Variants in PREX2 observed in about 807,000 individuals in gnomAD.
PREX2 encodes the protein phosphatidylinositol 3,4,5-trisphosphate-dependent Rac exchanger 2 protein.
PREX2 carries 107 observed loss-of-function variants against 203.2 expected under a neutral mutation model. The ratio of observed to expected loss-of-function variants is 0.53; its 90% CI spans 0.45 to 0.62. The LOEUF is 0.62. Ranked by LOEUF, PREX2 falls within the 20% of genes least tolerant of loss-of-function variation. PREX2 has a pLI of 0.00. For missense variants in PREX2, 1,777 were observed against 1,955.9 expected, an observed-to-expected ratio of 0.91 and a Z score of 1.72; for synonymous variants, 672 against 663.6, an observed-to-expected ratio of 1.01 and a Z score of -0.19.
intron 19 of PREX2, among the ~76,000 whole-genome samples, 160 bp from the exon 20 acceptor site, chr8:68,090,419 A>G (rs754158621): frequency 2.6e-5 from 4 of 152,212 alleles, no homozygotes; most frequent in African/African-American, 2.4e-5. Context: ...AAAAAGCAGA[A>G]AAGTGTTGAG....
At chr8:68,151,762 C>T (rs1220946602) in intron 34 of PREX2, among the ~76,000 whole-genome samples, 1 of 150,640 alleles carries the variant, frequency 6.6e-6, no homozygotes, top group Non-Finnish European at 1.5e-5. Flanking sequence ...CTTGAGTATT[C>T]TCTTTTTTTT....
chr8:68,232,704 C>T lies in PREX2; in HGVS notation c.*1326C>T, dbSNP rs1813190274. ...TGCAATCTTGGCTCACTGCAACCTC[C>T]ACCTCCTGGGTTCAAGCCATTCTCT... On this transcript the variant is annotated 3_prime_UTR_variant, in exon 40 of 40. Transcript: ENST00000288368. The T allele has an allele frequency of 6.6e-6, 1 of 152,160 alleles. No individual in the cohort carries two copies. The highest frequency in any genetic ancestry group is 1.5e-5 in the Non-Finnish European group (1 of 68,064). The allele number at this position is 152,160 out of a possible 1,614,324, so 9.4% of individuals were successfully genotyped here. A position where few individuals can be genotyped will look rare whatever the true frequency, so the allele number is the denominator to read the frequency against.
intron 19 of PREX2, among the ~76,000 whole-genome samples, chr8:68,089,444 T>C (rs1345157569): frequency 6.6e-6 from 1 of 152,162 alleles, no homozygotes; most frequent in Non-Finnish European, 1.5e-5. Flanking sequence ...AGACTCTTAG[T>C]CAAGGCAAAG....
intron 11 of PREX2, among the ~76,000 whole-genome samples, 178 bp from the exon 12 acceptor site, chr8:68,068,852 ATAT>A (rs1809100118): frequency 6.6e-6 from 1 of 152,032 alleles, no homozygotes; most frequent in East Asian, 1.9e-4. Flanking sequence ...TTTAAATAAA[ATAT>A]TATCATGAAT....
intron 31 of PREX2, among the ~76,000 whole-genome samples, chr8:68,132,197 C>G (rs950947902): frequency 1.3e-5 from 2 of 152,078 alleles, no homozygotes; most frequent in South Asian, 2.1e-4. Context: ...TTATTTTAAT[C>G]ATTGACTTAG....
chr8:68,145,331 A>G (rs912264200), intron 33 of PREX2, among the ~76,000 whole-genome samples: 32 of 152,154 alleles, frequency 2.1e-4, no homozygotes, highest in African/African-American at 7.2e-4. Context: ...AATTAAATAG[A>G]TAGATTTAAT....
chr8:68,009,938 CTTCTGGT>C (rs1807214375), intron 1 of PREX2, among the ~76,000 whole-genome samples: 1 of 152,144 alleles, frequency 6.6e-6, no homozygotes, highest in African/African-American at 2.4e-5. Flanking sequence ...AGCCTGTGTG[CTTCTGGT>C]CCATGCCCTG....
At chr8:68,107,022 G>T (rs1810429425) in intron 23 of PREX2, among the ~76,000 whole-genome samples, 1 of 152,136 alleles carries the variant, frequency 6.6e-6, no homozygotes, top group Admixed American at 6.5e-5. Flanking sequence ...ACACAGAACA[G>T]ACCTATGTAT....
chr8:68,198,281 AAT>A (rs1338320843), intron 37 of PREX2, among the ~76,000 whole-genome samples: 2 of 152,148 alleles, frequency 1.3e-5, no homozygotes, highest in African/African-American at 4.8e-5. Context: ...AAAAGTATTT[AAT>A]ATCTTTTGAA....
At chr8:67,976,669 CAGAGAGAGAGACAGGAGAGAGACAG>C (rs1563480327) in intron 1 of PREX2, among the ~76,000 whole-genome samples, 3 of 55,284 alleles carry the variant, frequency 5.4e-5, no homozygotes, top group African/African-American at 2.1e-4. Context: ...GGGAGAGAGA[CAGAGAGAGAGACAGGAGAGAGACAG>C]AGAGAGAGAG....
At chr8:68,181,315 T>C (rs1380742357) in intron 35 of PREX2, among the ~76,000 whole-genome samples, 1 of 152,180 alleles carries the variant, frequency 6.6e-6, no homozygotes, top group Non-Finnish European at 1.5e-5. Context: ...TAAATACTGC[T>C]AGTGACATCT....
chr8:68,037,008 TA>T lies in PREX2; in HGVS notation c.706-1144del, dbSNP rs546535908. Among the ~76,000 whole-genome samples, 991 of 152,228 alleles carry T rather than the reference TA, an allele frequency of 6.5e-3. 9 individuals are homozygous for T. Among genetic ancestry groups the T allele is most frequent in the African/African-American group, 0.023 (949 of 41,556 alleles). ...CAATACAAAGATAATCAAATTAATA[TA>T]AAAAAACTTTCTGAATAATTCCCCA... On this transcript the variant is annotated intron_variant, in intron 6 of 39. Transcript: ENST00000288368.
intron 24 of PREX2, 67 bp from the exon 25 acceptor site, chr8:68,109,349 T>C: frequency 2.6e-6 from 3 of 1,138,828 alleles, no homozygotes; most frequent in South Asian, 2.9e-5. Context: ...ATGAAATTAA[T>C]TGGACTGGGT....
intron 23 of PREX2, chr8:68,101,490 C>T (rs535497505): frequency 1.5e-5 from 8 of 517,360 alleles, no homozygotes; most frequent in Middle Eastern, 6.4e-4. Context: ...AGTTCACCTA[C>T]TTGAGTTTGG....
intron 25 of PREX2, among the ~76,000 whole-genome samples, chr8:68,111,272 G>A (rs924523686): frequency 6.6e-6 from 1 of 152,132 alleles, no homozygotes; most frequent in Non-Finnish European, 1.5e-5. Flanking sequence ...TTTGGGATGA[G>A]TCTTGTCAGT....
At chr8:68,102,926 A>T (rs1311100367) in intron 23 of PREX2, 1 of 518,004 alleles carries the variant, frequency 1.9e-6, no homozygotes, top group South Asian at 1.4e-5. Flanking sequence ...ATTTGGGGAC[A>T]ATTCGGAAGT....
intron 38 of PREX2, among the ~76,000 whole-genome samples, chr8:68,218,719 A>G (rs923213165): frequency 8.5e-5 from 13 of 152,246 alleles, no homozygotes; most frequent in African/African-American, 2.9e-4. Context: ...AAAAAGTCAA[A>G]TGAAGAGGCC....
intron 33 of PREX2, among the ~76,000 whole-genome samples, chr8:68,142,395 G>A (rs1049110193): frequency 1.3e-5 from 2 of 152,084 alleles, no homozygotes; most frequent in African/African-American, 4.8e-5. Flanking sequence ...CGTACAGTAG[G>A]TAGCTTTTCA....
chr8:68,161,912 G>A (rs1385568223), intron 35 of PREX2, among the ~76,000 whole-genome samples: 1 of 152,140 alleles, frequency 6.6e-6, no homozygotes, highest in East Asian at 1.9e-4. Context: ...GTTCCATATG[G>A]CTGGGGAAGC....
Sources: allele counts gnomAD v4.1 joint callset (sites outside exome capture counted in the v4.1 genomes callset), GRCh38; gene constraint gnomAD v4.1.1; transcripts MANE v1.5; gene names NCBI Gene and HGNC (gene_info 2026-07-23, HGNC 2026-07-21).